The following PDE4D variants were observed in gnomAD, a reference collection of about 807,000 sequenced individuals.
PDE4D encodes 3',5'-cyclic-AMP phosphodiesterase 4D.
In PDE4D, 24 loss-of-function variants were observed where a neutral mutation model predicts 87.4. That is an observed-to-expected ratio of 0.27 (90% confidence interval 0.20 to 0.39). The LOEUF (loss-of-function observed/expected upper bound fraction) is 0.39. Ranked by LOEUF, PDE4D falls within the 10% of genes least tolerant of loss-of-function variation. The pLI is 1.00. For missense variants in PDE4D, 714 were observed against 1,041.0 expected, an observed-to-expected ratio of 0.69 and a Z score of 4.32; for synonymous variants, 384 against 383.2, an observed-to-expected ratio of 1.00 and a Z score of -0.02.
intron 6 of PDE4D, among the ~76,000 whole-genome samples, chr5:59,030,422 C>CAAAAAAAAAAAAAAAAAAAAAAAAAAAAA (rs373275661): frequency 1.7e-5 from 1 of 58,300 alleles, no homozygotes; most frequent in Non-Finnish European, 3.1e-5. Context: ...AACAGAGATA[C>CAAAAAAAAAAAAAAAAAAAAAAAAAAAAA]AAAAAAAAAA....
intron 1 of PDE4D, among the ~76,000 whole-genome samples, chr5:60,416,925 A>G (rs1742646780): frequency 1.3e-5 from 2 of 152,242 alleles, no homozygotes; most frequent in African/African-American, 4.8e-5. Flanking sequence ...ATTGAGATGT[A>G]GGGATTGGCC....
At chr5:59,556,324 A>G (rs1818909938) in intron 1 of PDE4D, among the ~76,000 whole-genome samples, 1 of 152,118 alleles carries the variant, frequency 6.6e-6, no homozygotes, top group East Asian at 1.9e-4. Flanking sequence ...ACATTTCTTT[A>G]GCACACACTA....
chr5:59,162,775 A>G (rs1715860316), intron 5 of PDE4D, among the ~76,000 whole-genome samples: 1 of 149,396 alleles, frequency 6.7e-6, no homozygotes, highest in Non-Finnish European at 1.5e-5. Context: ...GGATTGCTTG[A>G]GCCCAGGAGG....
intron 1 of PDE4D, among the ~76,000 whole-genome samples, chr5:60,279,995 T>C (rs1175839620): frequency 6.6e-6 from 1 of 152,102 alleles, no homozygotes; most frequent in East Asian, 1.9e-4. Context: ...TGTTGATTTC[T>C]TAAGCTCCAA....
intron 1 of PDE4D, among the ~76,000 whole-genome samples, chr5:59,259,742 C>G (rs1032293351): frequency 2.0e-5 from 3 of 151,806 alleles, no homozygotes; most frequent in African/African-American, 7.2e-5. Context: ...ATTTACCCAT[C>G]AAAAACAAGG....
intron 1 of PDE4D, among the ~76,000 whole-genome samples, chr5:59,557,072 G>A (rs1001850976): frequency 6.6e-6 from 1 of 152,120 alleles, no homozygotes; most frequent in Non-Finnish European, 1.5e-5. Flanking sequence ...CGAGTAAAAT[G>A]ATGAAATAAA....
At chr5:60,205,915 AT>A (rs1742465085) in intron 1 of PDE4D, among the ~76,000 whole-genome samples, 2 of 152,160 alleles carry the variant, frequency 1.3e-5, no homozygotes, top group African/African-American at 2.4e-5. Context: ...AGAAAAGGCA[AT>A]AAATATGCAT....
At chr5:60,390,613 G>T (rs1320831710) in intron 1 of PDE4D, among the ~76,000 whole-genome samples, 1 of 150,614 alleles carries the variant, frequency 6.6e-6, no homozygotes, top group South Asian at 2.1e-4. Flanking sequence ...TTTGGAAATG[G>T]TCTGCTTTTT....
rs1310601918 is a variant in PDE4D, at chr5:59,869,398, C to T, written c.455+23770G>A. On this transcript the variant is annotated intron_variant, in intron 1 of 14. Transcript: ENST00000340635. ...GAGTGAGTATGGTGGTTTCCAAGTG[C>T]TGAATTAGGTCAAAATCAGCCAAAT... 2.6e-5 allele frequency among the ~76,000 whole-genome samples: 4 copies of T among 152,228 alleles called. No homozygotes were observed. In the East Asian group the frequency reaches 7.7e-4, roughly 29 times the overall value.
intron 1 of PDE4D, among the ~76,000 whole-genome samples, chr5:59,334,821 C>G (rs1428882349): frequency 2.0e-5 from 3 of 152,008 alleles, no homozygotes; most frequent in Non-Finnish European, 2.9e-5. Context: ...TAATTACATT[C>G]TGTGTGTCTC....
intron 1 of PDE4D, among the ~76,000 whole-genome samples, chr5:59,477,999 C>G (rs1214972354): frequency 6.6e-6 from 1 of 151,930 alleles, no homozygotes; most frequent in Non-Finnish European, 1.5e-5. Flanking sequence ...ACCGAGTACA[C>G]ATGGACGGAA....
At chr5:59,011,194 C>T (rs1437361915) in intron 6 of PDE4D, among the ~76,000 whole-genome samples, 1 of 152,070 alleles carries the variant, frequency 6.6e-6, no homozygotes. Flanking sequence ...TGGGGAGAAA[C>T]CAGAGCAGAA....
At chr5:59,261,755 G>T (rs1460505644) in intron 1 of PDE4D, among the ~76,000 whole-genome samples, 1 of 151,612 alleles carries the variant, frequency 6.6e-6, no homozygotes, top group Non-Finnish European at 1.5e-5. Context: ...AAATCTGTTG[G>T]TTTTAAAATT....
intron 1 of PDE4D, among the ~76,000 whole-genome samples, chr5:59,726,742 T>C (rs73101167): frequency 0.03 from 4,615 of 152,192 alleles, 231 homozygotes; most frequent in African/African-American, 0.11. Flanking sequence ...AGGAATAAAA[T>C]CTGTATGAGA....
chr5:59,486,955 T>C (rs1364553303), intron 1 of PDE4D, among the ~76,000 whole-genome samples: 1 of 152,220 alleles, frequency 6.6e-6, no homozygotes, highest in Non-Finnish European at 1.5e-5. Context: ...AAGAATACAA[T>C]TTTATTTTGC....
intron 5 of PDE4D, among the ~76,000 whole-genome samples, chr5:59,046,453 T>C (rs947442121): frequency 6.6e-6 from 1 of 151,252 alleles, no homozygotes; most frequent in Admixed American, 6.6e-5. Flanking sequence ...TATGTGTGTG[T>C]AAGAGAAAGG....
chr5:59,743,237 A>C (rs2150681674), intron 1 of PDE4D, among the ~76,000 whole-genome samples: 1 of 152,332 alleles, frequency 6.6e-6, no homozygotes, highest in South Asian at 2.1e-4. Context: ...GTAAAGTAAA[A>C]AAAGATTTAA....
intron 1 of PDE4D, among the ~76,000 whole-genome samples, chr5:59,584,122 C>A (rs1350618586): frequency 2.0e-5 from 3 of 152,126 alleles, no homozygotes; most frequent in Admixed American, 1.3e-4. Flanking sequence ...ATTCACGAGC[C>A]TGAAATCTCA....
chr5:60,413,052 G>A (rs1386966934), intron 1 of PDE4D, among the ~76,000 whole-genome samples: 2 of 152,158 alleles, frequency 1.3e-5, no homozygotes, highest in East Asian at 3.8e-4. Context: ...TGGAATATAT[G>A]TATAATTCAT....
Sources: allele counts gnomAD v4.1 joint callset (sites outside exome capture counted in the v4.1 genomes callset), GRCh38; gene constraint gnomAD v4.1.1; transcripts MANE v1.5; gene names NCBI Gene and HGNC (gene_info 2026-07-23, HGNC 2026-07-21).